Variants in ZDHHC14 observed in about 807,000 individuals in gnomAD.
ZDHHC14 encodes zDHHC palmitoyltransferase 14.
Under a neutral mutation model 47.7 loss-of-function variants are expected in ZDHHC14, and 16 were observed. The ratio of observed to expected loss-of-function variants is 0.34; its 90% CI spans 0.23 to 0.51. ZDHHC14 has a LOEUF of 0.51. ZDHHC14 is among the 20% of genes least tolerant of loss of function. The pLI is 0.97. For missense variants in ZDHHC14, 515 were observed against 662.5 expected, an observed-to-expected ratio of 0.78 and a Z score of 2.44; for synonymous variants, 293 against 278.9, an observed-to-expected ratio of 1.05 and a Z score of -0.50.
chr6:157,512,149 C>T (rs1271828143), intron 1 of ZDHHC14, among the ~76,000 whole-genome samples: 5 of 152,150 alleles, frequency 3.3e-5, no homozygotes, highest in Admixed American at 2.0e-4. Context: ...TCCTCATGTT[C>T]GAGTGAAGGA....
At chr6:157,495,027 C>T (rs570455028) in intron 1 of ZDHHC14, among the ~76,000 whole-genome samples, 1 of 152,078 alleles carries the variant, frequency 6.6e-6, no homozygotes, top group South Asian at 2.1e-4. Context: ...TATGCCACTA[C>T]ATGGGACTAC....
chr6:157,519,217 G>C (rs1306703966), intron 1 of ZDHHC14, among the ~76,000 whole-genome samples: 1 of 152,194 alleles, frequency 6.6e-6, no homozygotes, highest in Admixed American at 6.5e-5. Context: ...TCCAAATCCT[G>C]GTATGAAAAC....
chr6:157,515,556 C>T (rs1404347552), intron 1 of ZDHHC14, among the ~76,000 whole-genome samples: 5 of 151,418 alleles, frequency 3.3e-5, no homozygotes, highest in African/African-American at 1.2e-4. Context: ...CTCCGCCTCC[C>T]GAGTTCACGC....
intron 1 of ZDHHC14, among the ~76,000 whole-genome samples, chr6:157,438,966 C>T (rs1018126506): frequency 2.0e-5 from 3 of 152,170 alleles, no homozygotes; most frequent in African/African-American, 2.4e-5. Context: ...ATTGAGCATT[C>T]GTGCTGAGTT....
In ZDHHC14 at chr6:157,563,590, C is replaced by G. The variant is rs545938546; in HGVS notation, c.406+20845C>G. The stretch of plus-strand genomic sequence containing the variant: ...TCCGTGTATCCACACTGTGTGTATC[C>G]AGAACAAAGCTGGTCACTTCTTTAC... On this transcript the variant is annotated intron_variant, in intron 2 of 8. Coordinates refer to ENST00000359775, the MANE Select transcript of ZDHHC14 (RefSeq NM_024630.3). Among the ~76,000 whole-genome samples, 43 of 152,288 alleles carry G rather than the reference C, an allele frequency of 2.8e-4. No homozygotes were observed. The South Asian group carries it at 8.9e-3, about 32-fold the overall frequency.
chr6:157,416,954 C>T (rs1350659436), intron 1 of ZDHHC14, among the ~76,000 whole-genome samples: 1 of 148,264 alleles, frequency 6.7e-6, no homozygotes, highest in Non-Finnish European at 1.5e-5. Context: ...TACAGGTGCC[C>T]GCCACCATGC....
intron 1 of ZDHHC14, among the ~76,000 whole-genome samples, chr6:157,452,037 G>C (rs1010150727): frequency 1.3e-5 from 2 of 152,108 alleles, no homozygotes; most frequent in African/African-American, 2.4e-5. Flanking sequence ...CCGGAAAGAT[G>C]GGTTGGCCCT....
chr6:157,468,902 T>G (rs1779287814), intron 1 of ZDHHC14, among the ~76,000 whole-genome samples: 1 of 152,204 alleles, frequency 6.6e-6, no homozygotes, highest in Non-Finnish European at 1.5e-5. Context: ...ATCATTTAAC[T>G]GGTGAATGGC....
At chr6:157,401,764 C>T (rs548139586) in intron 1 of ZDHHC14, among the ~76,000 whole-genome samples, 1 of 150,816 alleles carries the variant, frequency 6.6e-6, no homozygotes, top group Non-Finnish European at 1.5e-5. Context: ...GAGATGCACA[C>T]CTGCTGAGGT....
Position 157,632,824 on chromosome 6 carries a change from A to G in ZDHHC14, c.704-10A>G. The G allele has an allele frequency of 6.2e-7, 1 of 1,614,178 alleles. No homozygotes were observed. The highest frequency in any genetic ancestry group is 1.1e-5 in the South Asian group (1 of 91,086). Reference sequence around the variant, plus strand: ...TATCTGAATACTAAATGTTGGTTTCATTCCCACAGGTTCACAGCAAACAGG... The same window carrying G: ...TATCTGAATACTAAATGTTGGTTTCGTTCCCACAGGTTCACAGCAAACAGG... On this transcript the variant is annotated splice_polypyrimidine_tract_variant and intron_variant, in intron 4 of 8. Coordinates refer to ENST00000359775, the MANE Select transcript of ZDHHC14 (RefSeq NM_024630.3).
intron 5 of ZDHHC14, among the ~76,000 whole-genome samples, chr6:157,636,019 C>T (rs769268806): frequency 1.6e-4 from 24 of 152,088 alleles, no homozygotes; most frequent in Non-Finnish European, 2.2e-4. Flanking sequence ...CAGGAGTTCC[C>T]GGCACCTCCT....
At chr6:157,612,808 AC>A (rs766559080) in intron 3 of ZDHHC14, among the ~76,000 whole-genome samples, 1 of 150,442 alleles carries the variant, frequency 6.6e-6, no homozygotes, top group Non-Finnish European at 1.5e-5. Context: ...TGCTGTATCT[AC>A]CTTCATGTCT....
chr6:157,659,546 C>T (rs1279847228), intron 8 of ZDHHC14, among the ~76,000 whole-genome samples: 3 of 152,232 alleles, frequency 2.0e-5, no homozygotes, highest in Non-Finnish European at 4.4e-5. Flanking sequence ...TTTGCTTCAG[C>T]TGCTAATAAC....
intron 5 of ZDHHC14, among the ~76,000 whole-genome samples, chr6:157,633,909 T>C (rs575644070): frequency 6.6e-6 from 1 of 152,240 alleles, no homozygotes; most frequent in East Asian, 1.9e-4. Context: ...CACCTGGCCC[T>C]CCCCAAGTGT....
chr6:157,521,087 G>A (rs990765359), intron 1 of ZDHHC14, among the ~76,000 whole-genome samples: 6 of 152,214 alleles, frequency 3.9e-5, no homozygotes, highest in African/African-American at 1.2e-4. Flanking sequence ...GGGAGGGCAG[G>A]CCAGTGGATG....
Position 157,519,981 on chromosome 6 carries a change from T to C in ZDHHC14, c.246-22604T>C, listed in dbSNP as rs563690187. Among the ~76,000 whole-genome samples the C allele has an allele frequency of 2.0e-5, 3 of 152,290 alleles. No homozygotes were observed. In the South Asian group the frequency reaches 6.2e-4, roughly 32 times the overall value. ...AAGCTGACATTTGCGAGCCTGGGAATGTCACTCAGGACAGACTTCTTGAAG... is the reference window on the plus strand; with the variant it reads ...AAGCTGACATTTGCGAGCCTGGGAACGTCACTCAGGACAGACTTCTTGAAG... On this transcript the variant is annotated intron_variant, in intron 1 of 8. Transcript: ENST00000359775.
At chr6:157,623,421 T>A (rs372419761) in intron 3 of ZDHHC14, among the ~76,000 whole-genome samples, 2 of 152,250 alleles carry the variant, frequency 1.3e-5, no homozygotes. Context: ...ACCATGATTA[T>A]AAGTTTCCTG....
At position 157,544,552 on chromosome 6, in the gene ZDHHC14, C is replaced by T. The variant is rs958279318; in HGVS notation, c.406+1807C>T. Reference sequence around the variant, plus strand: ...TAGTCCTAGCTACTGGGGAGGCTGACGCAGGAGAATCGCTTGAACCCAGGA... The same window carrying T: ...TAGTCCTAGCTACTGGGGAGGCTGATGCAGGAGAATCGCTTGAACCCAGGA... On this transcript the variant is annotated intron_variant, in intron 2 of 8. Coordinates refer to ENST00000359775, the MANE Select transcript of ZDHHC14 (RefSeq NM_024630.3). 6.6e-5 allele frequency among the ~76,000 whole-genome samples: 10 copies of T among 152,058 alleles called. No homozygotes were observed. In the South Asian group the frequency reaches 8.3e-4, roughly 13 times the overall value.
At chr6:157,480,137 G>A (rs902109058) in intron 1 of ZDHHC14, among the ~76,000 whole-genome samples, 1 of 152,134 alleles carries the variant, frequency 6.6e-6, no homozygotes, top group African/African-American at 2.4e-5. Context: ...AGAGGACACT[G>A]GGAGAGGTCC....
Sources: gnomAD v4.1 joint callset for allele counts (sites outside exome capture counted in the v4.1 genomes callset) on GRCh38, gnomAD v4.1.1 for gene constraint, MANE v1.5 for transcripts, NCBI Gene and HGNC (gene_info 2026-07-23, HGNC 2026-07-21) for gene names.